The following MOGAT1 variants were observed in gnomAD, a reference collection of about 807,000 sequenced individuals.
MOGAT1 encodes monoacylglycerol O-acyltransferase 1.
A neutral mutation model predicts 31.4 loss-of-function variants in MOGAT1; 32 were observed. The ratio of observed to expected loss-of-function variants is 1.02; its 90% CI spans 0.77 to 1.37. The LOEUF (loss-of-function observed/expected upper bound fraction) is 1.37, where lower values mean the gene tolerates loss of function less well. Ranked by LOEUF, MOGAT1 falls within the 40% of genes most tolerant of loss-of-function variation. The pLI is 0.00. For missense variants in MOGAT1, 426 were observed against 402.0 expected, an observed-to-expected ratio of 1.06 and a Z score of -0.51; for synonymous variants, 145 against 144.5, an observed-to-expected ratio of 1.00 and a Z score of -0.03.
At chr2:222,682,534 G>A (rs1190453720) in intron 1 of MOGAT1, among the ~76,000 whole-genome samples, 1 of 152,176 alleles carries the variant, frequency 6.6e-6, no homozygotes, top group Non-Finnish European at 1.5e-5. Context: ...GAGGCATCAT[G>A]TCATTTTGTC....
At chr2:222,680,243 G>T (rs1308704549) in intron 1 of MOGAT1, among the ~76,000 whole-genome samples, 1 of 152,134 alleles carries the variant, frequency 6.6e-6, no homozygotes, top group African/African-American at 2.4e-5. Context: ...TTTTATTATG[G>T]ATTATCTCCA....
chr2:222,676,186 T>C (rs570252282), intron 1 of MOGAT1, among the ~76,000 whole-genome samples: 1 of 151,230 alleles, frequency 6.6e-6, no homozygotes, highest in African/African-American at 2.4e-5. Flanking sequence ...GGGGTCTCTC[T>C]ATGTTGTCTA....
intron 1 of MOGAT1, among the ~76,000 whole-genome samples, chr2:222,679,799 T>A (rs535904656): frequency 6.5e-4 from 99 of 152,336 alleles, no homozygotes; most frequent in African/African-American, 2.3e-3. Flanking sequence ...TGCCACATGA[T>A]CAAACTTGAA....
intron 5 of MOGAT1, among the ~76,000 whole-genome samples, chr2:222,703,453 T>C (rs1692958458): frequency 1.3e-5 from 2 of 152,190 alleles, no homozygotes; most frequent in Non-Finnish European, 1.5e-5. Context: ...CTCAAAATAA[T>C]CTCGGTGCCA....
At chr2:222,700,922 C>G (rs928298903) in intron 5 of MOGAT1, among the ~76,000 whole-genome samples, 1 of 152,188 alleles carries the variant, frequency 6.6e-6, no homozygotes, top group Non-Finnish European at 1.5e-5. Context: ...CATCTCAGAG[C>G]GGCAAGTTAT....
chr2:222,703,320 G>A (rs1692955481), intron 5 of MOGAT1, among the ~76,000 whole-genome samples: 1 of 152,182 alleles, frequency 6.6e-6, no homozygotes, highest in East Asian at 1.9e-4. Flanking sequence ...ATATTCTACA[G>A]AGGAATTTTG....
rs778605460 is a variant in MOGAT1, at chr2:222,694,513, T to C, written c.630T>C (p.Phe210=). 1 of 1,613,796 alleles carries C rather than the reference T, an allele frequency of 6.2e-7. No homozygotes were observed. The highest frequency in any genetic ancestry group is 1.7e-5 in the Admixed American group (1 of 59,972). ...TGTTCATCCGCCAGCGGAAAGGATT[T>C]GTTAAAATTGCTTTGACCCATGGGT... ...FTLFIRQRKG[F]VKIALTHGAS... The change falls in exon 4 of 6, where the codon TTT becomes TTC. Residue 210 remains phenylalanine, a synonymous_variant. Transcript: ENST00000446656.
chr2:222,688,259 A>G, intron 1 of MOGAT1, 85 bp from the exon 2 acceptor site: 1 of 1,002,520 alleles, frequency 1.0e-6, no homozygotes, highest in Non-Finnish European at 1.4e-6. Context: ...GACATATCTT[A>G]TATGTATTAA....
At chr2:222,672,435 C>G (rs1031703085) in intron 1 of MOGAT1, among the ~76,000 whole-genome samples, 1 of 152,068 alleles carries the variant, frequency 6.6e-6, no homozygotes, top group African/African-American at 2.4e-5. Context: ...TTTGGTTGAG[C>G]GGTTTCTCTC....
At chr2:222,677,714 TC>T (rs1313782572) in intron 1 of MOGAT1, 1 of 424,852 alleles carries the variant, frequency 2.4e-6, no homozygotes. Context: ...TCTTTTTCTT[TC>T]CGTGTCGATT....
Position 222,689,147 on chromosome 2 carries a change from C to A in MOGAT1, c.274-118C>A, listed in dbSNP as rs1692720448. The A allele has an allele frequency of 6.5e-6, 6 of 924,776 alleles. No homozygotes were observed. In the East Asian group the frequency reaches 1.1e-4, roughly 16 times the overall value. 57.3% of individuals were successfully genotyped at this position (924,776 alleles called of 1,614,324 possible). A position where few individuals can be genotyped will look rare whatever the true frequency, so the allele number is the denominator to read the frequency against. On this transcript the variant is annotated intron_variant, in intron 2 of 5. Coordinates refer to ENST00000446656, the MANE Select transcript of MOGAT1 (RefSeq NM_058165.3). ...TTGGAAACAGCTCCAACCCAGGGAA[C>A]AAAAATGAGTCATGTTCTCCATTTT... is the stretch of plus-strand genomic sequence containing the variant.
In MOGAT1 at chr2:222,695,197, C is replaced by A; in HGVS notation, c.762C>A (p.Ile254=). The change falls in exon 5 of 6, where the codon ATC becomes ATA. Residue 254 remains isoleucine, a synonymous_variant. Transcript: ENST00000446656. The part of the protein sequence containing the change: ...IRTVQNKLQK[I]MGFALPLFHA... Reference sequence around the variant, plus strand: ...CTGTTCAGAATAAACTGCAGAAGATCATGGGGTTTGCTTTGCCCCTGTTTC... The same window carrying A: ...CTGTTCAGAATAAACTGCAGAAGATAATGGGGTTTGCTTTGCCCCTGTTTC... 6.2e-7 allele frequency: 1 copy of A among 1,613,698 alleles called. No homozygotes were observed. Among genetic ancestry groups the A allele is most frequent in the Non-Finnish European group, 8.5e-7 (1 of 1,179,750 alleles).
chr2:222,688,224 C>G (rs747853591), intron 1 of MOGAT1, 120 bp from the exon 2 acceptor site: 29 of 673,624 alleles, frequency 4.3e-5, no homozygotes, highest in African/African-American at 7.4e-5. Flanking sequence ...TGTTATATTA[C>G]CTTACCTGAA....
Position 222,671,850 on chromosome 2 carries a change from T to G in MOGAT1, c.65T>G (p.Leu22Arg), listed in dbSNP as rs939320727. ...CGGCGGCTGCAGACGGTGGCCGTGC[T>G]GCAGTGGGTCCTGAAATACCTGCTG... Reference protein sequence around the residue: ...LARRLQTVAVLQWVLKYLLLG... With the variant: ...LARRLQTVAVRQWVLKYLLLG... The change falls in exon 1 of 6, where the codon CTG (leucine) becomes CGG (arginine). Residue 22 changes from leucine to arginine, a missense_variant. By Grantham distance (102) the Leu-to-Arg change is moderately radical (BLOSUM62 -2). Coordinates refer to ENST00000446656, the MANE Select transcript of MOGAT1 (RefSeq NM_058165.3). 3.9e-6 allele frequency: 6 copies of G among 1,552,458 alleles called. No homozygotes were observed. Among genetic ancestry groups the G allele is most frequent in the Non-Finnish European group, 5.2e-6 (6 of 1,147,754 alleles).
At chr2:222,689,507 G>A in intron 3 of MOGAT1, 38 bp downstream of exon 3, 2 of 1,581,966 alleles carry the variant, frequency 1.3e-6, no homozygotes, top group East Asian at 2.2e-5. Flanking sequence ...CAGTGCTTTG[G>A]GGTAGCAGGA....
intron 5 of MOGAT1, among the ~76,000 whole-genome samples, chr2:222,696,421 A>G (rs939486085): frequency 6.6e-6 from 1 of 152,130 alleles, no homozygotes; most frequent in African/African-American, 2.4e-5. Flanking sequence ...ATCCACACCA[A>G]CATCTATTAT....
chr2:222,674,460 T>A (rs188923458), intron 1 of MOGAT1, among the ~76,000 whole-genome samples: 2,080 of 151,912 alleles, frequency 0.014, 176 homozygotes, highest in Admixed American at 0.13. Flanking sequence ...TTTTGTATAA[T>A]TTTTTTTTAA....
At chr2:222,676,412 C>T (rs891811903) in intron 1 of MOGAT1, among the ~76,000 whole-genome samples, 6 of 152,218 alleles carry the variant, frequency 3.9e-5, no homozygotes, top group South Asian at 2.1e-4. Context: ...TATTTTGAGA[C>T]GGTTTCTCAT....
chr2:222,694,280 C>T (rs898767432), intron 3 of MOGAT1, 82 bp from the exon 4 acceptor site: 22 of 1,291,240 alleles, frequency 1.7e-5, no homozygotes, highest in Admixed American at 5.9e-5. Flanking sequence ...TAAATGTTTA[C>T]TATTGTCATG....
Sources: gnomAD v4.1 joint callset for allele counts (sites outside exome capture counted in the v4.1 genomes callset) on GRCh38, gnomAD v4.1.1 for gene constraint, MANE v1.5 for transcripts, NCBI Gene and HGNC (gene_info 2026-07-23, HGNC 2026-07-21) for gene names.